Variants in ERBB4 observed in about 807,000 individuals in gnomAD.
ERBB4 encodes the protein receptor tyrosine-protein kinase erbB-4.
ERBB4 carries 42 observed loss-of-function variants against 158.0 expected under a neutral mutation model. The ratio of observed to expected loss-of-function variants is 0.27; its 90% CI spans 0.21 to 0.34. The LOEUF is 0.34. ERBB4 is among the 10% of genes least tolerant of loss of function. The pLI, the probability that ERBB4 is intolerant of heterozygous loss-of-function variation, is 1.00. For synonymous variants in ERBB4, 583 were observed against 558.7 expected (o/e 1.04, Z -0.61); for missense variants, 1,333 against 1,624.1 (o/e 0.82, Z 3.08).
chr2:211,810,045 G>C (rs1480333451), intron 3 of ERBB4, among the ~76,000 whole-genome samples: 3 of 152,182 alleles, frequency 2.0e-5, no homozygotes, highest in Non-Finnish European at 2.9e-5. Flanking sequence ...TTGCACTGTG[G>C]TCTGAGAGAT....
intron 25 of ERBB4, among the ~76,000 whole-genome samples, chr2:211,408,167 C>T (rs921672314): frequency 6.6e-6 from 1 of 152,030 alleles, no homozygotes; most frequent in Non-Finnish European, 1.5e-5. Flanking sequence ...GATAATGTGC[C>T]ACTTCTATTA....
intron 1 of ERBB4, among the ~76,000 whole-genome samples, chr2:212,430,506 T>C (rs2092004418): frequency 6.6e-6 from 1 of 151,778 alleles, no homozygotes; most frequent in Non-Finnish European, 1.5e-5. Flanking sequence ...AGTGGCGCGA[T>C]CTTGGCTCAC....
At chr2:211,648,193 T>C (rs2070848866) in intron 16 of ERBB4, among the ~76,000 whole-genome samples, 1 of 151,810 alleles carries the variant, frequency 6.6e-6, no homozygotes, top group South Asian at 2.1e-4. Context: ...TCATAAAATT[T>C]GTTCCATTTT....
At chr2:211,448,038 T>A (rs1349084691) in intron 20 of ERBB4, among the ~76,000 whole-genome samples, 1 of 152,132 alleles carries the variant, frequency 6.6e-6, no homozygotes, top group Non-Finnish European at 1.5e-5. Context: ...AGTGGCACCA[T>A]CTCCACTTAC....
intron 5 of ERBB4, among the ~76,000 whole-genome samples, chr2:211,734,363 G>T (rs2074530869): frequency 6.6e-6 from 1 of 152,108 alleles, no homozygotes; most frequent in East Asian, 1.9e-4. Context: ...CTATTAGTGG[G>T]TGTATAAATT....
At chr2:212,142,538 A>G (rs551810698) in intron 1 of ERBB4, among the ~76,000 whole-genome samples, 3 of 150,446 alleles carry the variant, frequency 2.0e-5, no homozygotes, top group African/African-American at 7.3e-5. Context: ...AGCATTCAAG[A>G]TAAGTTAAAG....
chr2:211,775,987 T>C (rs1036801832), intron 4 of ERBB4, among the ~76,000 whole-genome samples: 2 of 152,204 alleles, frequency 1.3e-5, no homozygotes, highest in African/African-American at 4.8e-5. Flanking sequence ...TTGTCTATTA[T>C]AGAACAGGCT....
At chr2:211,528,653 G>T (rs1574678578) in intron 20 of ERBB4, among the ~76,000 whole-genome samples, 1 of 151,944 alleles carries the variant, frequency 6.6e-6, no homozygotes, top group South Asian at 2.1e-4. Context: ...ATAATATCAA[G>T]CATCTTCTTT....
intron 12 of ERBB4, among the ~76,000 whole-genome samples, chr2:211,699,347 A>C (rs1437646063): frequency 1.3e-5 from 2 of 152,210 alleles, no homozygotes; most frequent in African/African-American, 4.8e-5. Flanking sequence ...ATATAGCAAG[A>C]CAGAATATCT....
intron 1 of ERBB4, among the ~76,000 whole-genome samples, chr2:212,320,802 C>A (rs1044277443): frequency 1.3e-5 from 2 of 150,124 alleles, no homozygotes; most frequent in South Asian, 4.3e-4. Flanking sequence ...ATAACCTCCC[C>A]GTGTTGTTGT....
intron 9 of ERBB4, among the ~76,000 whole-genome samples, chr2:211,708,196 A>G (rs2073524342): frequency 6.6e-6 from 1 of 152,162 alleles, no homozygotes; most frequent in Non-Finnish European, 1.5e-5. Flanking sequence ...TTCTATAGCC[A>G]TACTTTCCTA....
At chr2:211,446,366 A>G (rs1234587942) in intron 20 of ERBB4, among the ~76,000 whole-genome samples, 1 of 152,232 alleles carries the variant, frequency 6.6e-6, no homozygotes, top group African/African-American at 2.4e-5. Flanking sequence ...GGGGTCACCC[A>G]GAGAAGATAC....
intron 1 of ERBB4, among the ~76,000 whole-genome samples, chr2:212,422,681 A>C (rs569994845): frequency 2.7e-4 from 41 of 152,262 alleles, no homozygotes; most frequent in Non-Finnish European, 5.0e-4. Flanking sequence ...GCTCTTATGG[A>C]GTTCTACCTC....
rs1260564374 is a variant in ERBB4 at position 212,003,210 on chromosome 2, A to G, written c.235-55594T>C. Among the ~76,000 whole-genome samples the G allele has an allele frequency of 3.8e-4, 21 of 55,454 alleles. 1 individual carries two copies. The highest frequency in any genetic ancestry group is 7.8e-3 in the Middle Eastern group (1 of 128). 36.4% of individuals were successfully genotyped at this position (55,454 alleles called of 152,430 possible). ...GAAAGAAAGAAAGAAAGAAAGACAG[A>G]AAGAAGGAAGGAAGGAAGGAAGGAA... On this transcript the variant is annotated intron_variant, in intron 2 of 27. Coordinates refer to ENST00000342788, the MANE Select transcript of ERBB4 (RefSeq NM_005235.3).
chr2:212,510,385 A>C, intron 1 of ERBB4, among the ~76,000 whole-genome samples: 1 of 151,764 alleles, frequency 6.6e-6, no homozygotes, highest in East Asian at 1.9e-4. Flanking sequence ...AAAGGGGAAA[A>C]TGTCTACAGG....
chr2:212,259,915 C>T (rs1273263647), intron 1 of ERBB4, among the ~76,000 whole-genome samples: 3 of 151,740 alleles, frequency 2.0e-5, no homozygotes, highest in African/African-American at 7.3e-5. Context: ...ACTAAAAATA[C>T]AAAAATTAGC....
intron 1 of ERBB4, among the ~76,000 whole-genome samples, chr2:212,184,268 A>T (rs1232992438): frequency 2.0e-5 from 3 of 151,948 alleles, no homozygotes; most frequent in Non-Finnish European, 4.4e-5. Context: ...TCCCCACCAA[A>T]TCTTAACCTA....
chr2:211,848,750 C>T (rs2077651233), intron 3 of ERBB4, among the ~76,000 whole-genome samples: 1 of 151,996 alleles, frequency 6.6e-6, no homozygotes, highest in African/African-American at 2.4e-5. Flanking sequence ...CACAGTATAG[C>T]ATATTCTTGG....
intron 25 of ERBB4, among the ~76,000 whole-genome samples, chr2:211,397,473 C>A (rs973873878): frequency 6.6e-6 from 1 of 152,122 alleles, no homozygotes; most frequent in Admixed American, 6.5e-5. Context: ...TCATTTAAAT[C>A]TGCCATTGGT....
Sources: gnomAD v4.1 joint callset for allele counts (sites outside exome capture counted in the v4.1 genomes callset) on GRCh38, gnomAD v4.1.1 for gene constraint, MANE v1.5 for transcripts, NCBI Gene and HGNC (gene_info 2026-07-23, HGNC 2026-07-21) for gene names.